Variants in UNC5C observed in about 807,000 individuals in gnomAD.
UNC5C encodes netrin receptor UNC5C.
In UNC5C, 47 loss-of-function variants were observed where a neutral mutation model predicts 99.8. That is an observed-to-expected ratio of 0.47 (90% confidence interval 0.37 to 0.60). The LOEUF (loss-of-function observed/expected upper bound fraction) is 0.60, where lower values mean the gene tolerates loss of function less well. Ranked by LOEUF, UNC5C falls within the 20% of genes least tolerant of loss-of-function variation. The pLI, the probability that UNC5C is intolerant of heterozygous loss-of-function variation, is 0.00. For missense variants in UNC5C, 1,062 were observed against 1,165.9 expected (o/e 0.91, Z 1.30); for synonymous variants, 487 against 452.2 (o/e 1.08, Z -0.98).
intron 7 of UNC5C, among the ~76,000 whole-genome samples, chr4:95,239,520 C>T (rs1290853762): frequency 1.3e-5 from 2 of 152,156 alleles, no homozygotes; most frequent in African/African-American, 4.8e-5. Context: ...TTTCCAGTCC[C>T]CGGGACCCAT....
At chr4:95,180,142 TAACA>T (rs111280168) in intron 14 of UNC5C, among the ~76,000 whole-genome samples, 12 of 152,058 alleles carry the variant, frequency 7.9e-5, no homozygotes, top group Admixed American at 4.6e-4. Context: ...ACTTACTTAC[TAACA>T]AACATTCTCC....
intron 3 of UNC5C, among the ~76,000 whole-genome samples, chr4:95,298,010 C>G (rs971082516): frequency 1.3e-5 from 2 of 152,192 alleles, no homozygotes; most frequent in African/African-American, 4.8e-5. Context: ...CCCAACTTAT[C>G]CTCAAAACCA....
chr4:95,201,277 C>G (rs1737645317), intron 12 of UNC5C, among the ~76,000 whole-genome samples: 3 of 152,130 alleles, frequency 2.0e-5, no homozygotes, highest in Admixed American at 2.0e-4. Flanking sequence ...GGAACTTGAC[C>G]TTCCGCCCCA....
At chr4:95,493,741 C>A (rs1156311812) in intron 1 of UNC5C, among the ~76,000 whole-genome samples, 1 of 151,352 alleles carries the variant, frequency 6.6e-6, no homozygotes, top group African/African-American at 2.4e-5. Flanking sequence ...GAAATACTGA[C>A]AAAAGCTGGC....
At chr4:95,450,677 C>A (rs1747256352) in intron 1 of UNC5C, among the ~76,000 whole-genome samples, 1 of 152,162 alleles carries the variant, frequency 6.6e-6, no homozygotes, top group African/African-American at 2.4e-5. Flanking sequence ...CGTGTTTCCA[C>A]AAACTGCAGT....
chr4:95,431,149 C>T (rs563824399), intron 1 of UNC5C, among the ~76,000 whole-genome samples: 6 of 152,148 alleles, frequency 3.9e-5, no homozygotes, highest in African/African-American at 1.4e-4. Context: ...CCCATGCGAC[C>T]TTCAGCTCTC....
intron 1 of UNC5C, among the ~76,000 whole-genome samples, chr4:95,425,453 C>G (rs1301503988): frequency 2.0e-5 from 3 of 152,244 alleles, no homozygotes; most frequent in African/African-American, 7.2e-5. Context: ...TCGCGAGTAA[C>G]TGGGACTACA....
chr4:95,286,856 T>C (rs1393526492), intron 3 of UNC5C, among the ~76,000 whole-genome samples: 1 of 152,124 alleles, frequency 6.6e-6, no homozygotes, highest in Non-Finnish European at 1.5e-5. Flanking sequence ...GTTGGTAATA[T>C]GGAGTTTTAT....
At chr4:95,226,662 A>G (rs1436407906) in intron 7 of UNC5C, among the ~76,000 whole-genome samples, 1 of 152,206 alleles carries the variant, frequency 6.6e-6, no homozygotes. Flanking sequence ...CTTCATGTAA[A>G]AAGGCTTATG....
chr4:95,257,652 C>G (rs1048280160), intron 4 of UNC5C, among the ~76,000 whole-genome samples: 2 of 152,180 alleles, frequency 1.3e-5, no homozygotes, highest in African/African-American at 2.4e-5. Flanking sequence ...GCTGATCTCA[C>G]AAGGAATCCA....
At chr4:95,323,634 T>C (rs1213365031) in intron 2 of UNC5C, among the ~76,000 whole-genome samples, 2 of 152,216 alleles carry the variant, frequency 1.3e-5, no homozygotes, top group Non-Finnish European at 2.9e-5. Flanking sequence ...GTAGTTCCCC[T>C]TTGAAAATGT....
intron 1 of UNC5C, among the ~76,000 whole-genome samples, chr4:95,474,245 C>T (rs1055945457): frequency 1.3e-5 from 2 of 152,050 alleles, no homozygotes; most frequent in African/African-American, 4.8e-5. Context: ...AGGCTTGAGA[C>T]ATACACACAC....
At chr4:95,514,880 G>T (rs1291744720) in intron 1 of UNC5C, among the ~76,000 whole-genome samples, 2 of 151,202 alleles carry the variant, frequency 1.3e-5, no homozygotes, top group Non-Finnish European at 2.9e-5. Context: ...CACCATGTTG[G>T]CCAGACTGGT....
intron 2 of UNC5C, among the ~76,000 whole-genome samples, chr4:95,311,554 A>C (rs1377908657): frequency 6.6e-6 from 1 of 152,178 alleles, no homozygotes; most frequent in Non-Finnish European, 1.5e-5. Flanking sequence ...AATTTTAATA[A>C]AATTTAACAA....
chr4:95,194,473 G>A (rs1029861588), intron 12 of UNC5C, among the ~76,000 whole-genome samples: 2 of 152,152 alleles, frequency 1.3e-5, no homozygotes, highest in African/African-American at 4.8e-5. Flanking sequence ...AGGTGTGTCA[G>A]TGGGGCTGCC....
intron 10 of UNC5C, among the ~76,000 whole-genome samples, chr4:95,213,822 G>A (rs1473800318): frequency 1.3e-5 from 2 of 152,282 alleles, no homozygotes; most frequent in East Asian, 3.9e-4. Context: ...GGATAGAAAG[G>A]ATCTTTAGTG....
intron 2 of UNC5C, among the ~76,000 whole-genome samples, chr4:95,307,156 T>C (rs2149406403): frequency 6.6e-6 from 1 of 152,210 alleles, no homozygotes; most frequent in African/African-American, 2.4e-5. Context: ...CAAGACTTCA[T>C]GTGTTACATG....
At chr4:95,192,881 G>A (rs1217486407) in intron 12 of UNC5C, among the ~76,000 whole-genome samples, 2 of 152,166 alleles carry the variant, frequency 1.3e-5, no homozygotes, top group East Asian at 3.9e-4. Context: ...TGGATTATAT[G>A]ATCCATAGCT....
chr4:95,303,103 C>G (rs1233315831), intron 2 of UNC5C, among the ~76,000 whole-genome samples: 1 of 152,016 alleles, frequency 6.6e-6, no homozygotes, highest in East Asian at 1.9e-4. Context: ...CAACTGAGCA[C>G]CAACCACAGA....
Sources: allele counts gnomAD v4.1 joint callset (sites outside exome capture counted in the v4.1 genomes callset), GRCh38; gene constraint gnomAD v4.1.1; transcripts MANE v1.5; gene names NCBI Gene and HGNC (gene_info 2026-07-23, HGNC 2026-07-21).